Variants in AK4 observed in about 807,000 individuals in gnomAD.
The protein encoded by AK4 is adenylate kinase 4, mitochondrial.
Under a neutral mutation model 24.6 loss-of-function variants are expected in AK4, and 13 were observed. That is an observed-to-expected ratio of 0.53 (90% CI 0.34 to 0.84). The LOEUF (loss-of-function observed/expected upper bound fraction) is 0.84, where lower values mean the gene tolerates loss of function less well. Among genes scored for constraint, AK4 ranks in the 40% least tolerant of loss-of-function variants. AK4 has a pLI of 0.01. For synonymous variants in AK4, 88 were observed against 107.0 expected (o/e 0.82, Z 1.10); for missense variants, 192 against 288.2 (o/e 0.67, Z 2.42).
At chr1:65,191,058 TA>T (rs111342223) in intron 2 of AK4, among the ~76,000 whole-genome samples, 6 of 152,382 alleles carry the variant, frequency 3.9e-5, no homozygotes, top group African/African-American at 1.4e-4. Flanking sequence ...AAATATTCAC[TA>T]AATTTCTGTT....
intron 1 of AK4, among the ~76,000 whole-genome samples, chr1:65,159,789 G>A (rs12401858): frequency 0.12 from 17,662 of 151,996 alleles, 1,383 homozygotes; most frequent in Admixed American, 0.22. Flanking sequence ...CCAATATGGT[G>A]AAACCCCGTC....
At chr1:65,213,997 C>T (rs1467609090) in intron 2 of AK4, among the ~76,000 whole-genome samples, 2 of 152,198 alleles carry the variant, frequency 1.3e-5, no homozygotes, top group African/African-American at 4.8e-5. Flanking sequence ...TCTGAAGGAG[C>T]AAACCCTGCT....
At chr1:65,190,592 T>G in intron 1 of AK4, 118 bp from the exon 2 acceptor site, 1 of 1,196,784 alleles carries the variant, frequency 8.4e-7, no homozygotes, top group Non-Finnish European at 1.2e-6. Flanking sequence ...TGTCTACAAC[T>G]TCCTAGGAAT....
intron 1 of AK4, among the ~76,000 whole-genome samples, chr1:65,150,257 C>T (rs1394268610): frequency 6.8e-6 from 1 of 146,484 alleles, no homozygotes; most frequent in Non-Finnish European, 1.5e-5. Context: ...TTGCTCTTTT[C>T]CCTTGTTCTC....
rs773956761 is a variant in AK4, at chr1:65,148,596, G to T, written c.145+44G>T. On this transcript the variant is annotated intron_variant, in intron 1 of 4. Coordinates refer to ENST00000327299, the MANE Select transcript of AK4 (RefSeq NM_013410.4). ...GAGGGCCGGGGGCGAGCCGCGTTGG[G>T]CTGGGGTGAGGCCCTGGAGGGACTG... is the stretch of plus-strand genomic sequence containing the variant. 2.6e-6 allele frequency: 4 copies of T among 1,554,470 alleles called. 1 individual carries two copies. The highest frequency in any genetic ancestry group is 2.6e-6 in the Non-Finnish European group (3 of 1,147,916).
At chr1:65,215,750 A>G (rs936746044) in intron 2 of AK4, among the ~76,000 whole-genome samples, 4 of 152,210 alleles carry the variant, frequency 2.6e-5, no homozygotes, top group Non-Finnish European at 5.9e-5. Flanking sequence ...TTACTCCTCC[A>G]GAGGGCTCTA....
intron 1 of AK4, among the ~76,000 whole-genome samples, chr1:65,152,378 A>C (rs1214416910): frequency 3.4e-5 from 2 of 58,216 alleles, no homozygotes; most frequent in African/African-American, 5.9e-5. Context: ...ATATATATAT[A>C]TATATATTTT....
intron 2 of AK4, among the ~76,000 whole-genome samples, chr1:65,205,027 C>G (rs896365997): frequency 3.3e-5 from 5 of 152,134 alleles, no homozygotes; most frequent in Non-Finnish European, 5.9e-5. Flanking sequence ...TTTAACACAG[C>G]TTTTTCATTC....
rs117245236 is a variant in AK4, at chr1:65,167,414, A to G, written c.145+18862A>G. Reference sequence around the variant, plus strand: ...CCCAGTTTTCTTAAATGGTAACTATAAATACTGTCTCAGGACATAATTTAG... The same window carrying G: ...CCCAGTTTTCTTAAATGGTAACTATGAATACTGTCTCAGGACATAATTTAG... On this transcript the variant is annotated intron_variant, in intron 1 of 4. Transcript: ENST00000327299. Among the ~76,000 whole-genome samples, 62 of 152,240 alleles carry G rather than the reference A, an allele frequency of 4.1e-4. No individual in the cohort carries two copies. In the East Asian group the frequency reaches 7.7e-3, roughly 19 times the overall value.
chr1:65,218,891 G>A lies in AK4; in HGVS notation c.403G>A (p.Val135Ile). 1 of 1,599,958 alleles carries A rather than the reference G, an allele frequency of 6.3e-7. No individual in the cohort carries two copies. Among genetic ancestry groups the A allele is most frequent in the South Asian group, 1.1e-5 (1 of 88,614 alleles). The change falls in exon 3 of 5, where the codon GTA (valine) becomes ATA (isoleucine). Residue 135 changes from valine (V) to isoleucine (I), a missense_variant. Physicochemically the swap from Val to Ile is conservative, Grantham distance 29. Transcript: ENST00000327299. ...TTGGATTCACCCTCCTAGCGGAAGG[G>A]TATATAACCTGGACTTCAATCCACC... ...RRWIHPPSGR[V>I]YNLDFNPPHV...
chr1:65,221,919 C>T (rs539724019), intron 3 of AK4, among the ~76,000 whole-genome samples: 3 of 152,198 alleles, frequency 2.0e-5, no homozygotes, highest in East Asian at 3.9e-4. Context: ...CCCTGGGGTT[C>T]GTCATCTCAT....
intron 1 of AK4, among the ~76,000 whole-genome samples, chr1:65,183,649 C>T (rs1305663653): frequency 9.0e-6 from 1 of 111,630 alleles, no homozygotes; most frequent in Non-Finnish European, 1.9e-5. Context: ...ATATAAATAT[C>T]CGTGTGTGTG....
At chr1:65,203,879 G>C (rs937859318) in intron 2 of AK4, among the ~76,000 whole-genome samples, 1 of 152,146 alleles carries the variant, frequency 6.6e-6, no homozygotes, top group African/African-American at 2.4e-5. Flanking sequence ...TAAAACTCTT[G>C]ATTGTCCTGT....
At chr1:65,202,920 G>A in intron 2 of AK4, among the ~76,000 whole-genome samples, 1 of 111,344 alleles carries the variant, frequency 9.0e-6, no homozygotes, top group Non-Finnish European at 1.8e-5. Flanking sequence ...CACCCAGACT[G>A]GAGTGTAGTG....
At chr1:65,224,225 T>C (rs1652384814) in intron 3 of AK4, among the ~76,000 whole-genome samples, 1 of 152,190 alleles carries the variant, frequency 6.6e-6, no homozygotes, top group Non-Finnish European at 1.5e-5. Flanking sequence ...TTTGATCTAG[T>C]AAAATAACCT....
rs535189323 is a variant in AK4 at position 65,151,471 on chromosome 1, G to C, written c.145+2919G>C. Among the ~76,000 whole-genome samples the C allele has an allele frequency of 9.5e-4, 144 of 152,190 alleles. 1 individual carries two copies. In the South Asian group the frequency reaches 0.03, roughly 31 times the overall value. On this transcript the variant is annotated intron_variant, in intron 1 of 4. Coordinates refer to ENST00000327299, the MANE Select transcript of AK4 (RefSeq NM_013410.4). ...ATAGGGGTTTTGCTTTAGTGCCCAG[G>C]CTGGTCTCAAACTCTTGGCTCAGTC...
intron 1 of AK4, among the ~76,000 whole-genome samples, chr1:65,151,261 C>T (rs995926522): frequency 3.3e-5 from 5 of 152,092 alleles, no homozygotes; most frequent in Admixed American, 6.5e-5. Flanking sequence ...GCCACCGCAC[C>T]TGACCTCCTC....
At chr1:65,212,465 A>T (rs370516413) in intron 2 of AK4, among the ~76,000 whole-genome samples, 1 of 151,924 alleles carries the variant, frequency 6.6e-6, no homozygotes, top group Non-Finnish European at 1.5e-5. Flanking sequence ...GGATCCACCC[A>T]TGCTCACCCA....
At chr1:65,183,555 T>C (rs1240787897) in intron 1 of AK4, among the ~76,000 whole-genome samples, 2 of 152,160 alleles carry the variant, frequency 1.3e-5, no homozygotes, top group African/African-American at 4.8e-5. Context: ...AATATTTCTT[T>C]CTTTTTGAGA....
Sources: gnomAD v4.1 joint callset for allele counts (sites outside exome capture counted in the v4.1 genomes callset) on GRCh38, gnomAD v4.1.1 for gene constraint, MANE v1.5 for transcripts, NCBI Gene and HGNC (gene_info 2026-07-23, HGNC 2026-07-21) for gene names.